The following SIRT2 variants were observed in gnomAD, a reference collection of about 807,000 sequenced individuals.
SIRT2 encodes the protein sirtuin 2, also known as NAD-dependent protein deacetylase sirtuin-2.
A neutral mutation model predicts 57.4 loss-of-function variants in SIRT2; 40 were observed. The observed-to-expected ratio is 0.70, with a 90% CI of 0.54 to 0.91. The LOEUF (loss-of-function observed/expected upper bound fraction) is 0.91, where lower values mean the gene tolerates loss of function less well. Among genes scored for constraint, SIRT2 ranks in the 40% least tolerant of loss-of-function variants. The pLI is 0.00. For missense variants in SIRT2, 439 were observed against 510.4 expected, an observed-to-expected ratio of 0.86 and a Z score of 1.35; for synonymous variants, 161 against 195.7, an observed-to-expected ratio of 0.82 and a Z score of 1.48.
At chr19:38,887,328 C>A (rs530422867) in intron 8 of SIRT2, among the ~76,000 whole-genome samples, 2 of 152,094 alleles carry the variant, frequency 1.3e-5, no homozygotes, top group East Asian at 1.9e-4. Context: ...CAAGGGCCAG[C>A]GGGGTCTTGG....
intron 8 of SIRT2, 141 bp from the exon 9 acceptor site, chr19:38,883,897 CAGGG>C: frequency 1.2e-6 from 1 of 810,436 alleles, no homozygotes; most frequent in South Asian, 1.6e-5. Flanking sequence ...AAGCAAGTGG[CAGGG>C]TTTATCTGAA....
chr19:38,881,068 T>TG, intron 11 of SIRT2, 32 bp downstream of exon 11: 1 of 1,608,182 alleles, frequency 6.2e-7, no homozygotes, highest in Non-Finnish European at 8.5e-7. Flanking sequence ...AGGCGGCGGT[T>TG]GGGGATGCGG....
rs201603626 is a variant in SIRT2 at position 38,892,761 on chromosome 19, GGC to G, written c.226+651_226+652del. 4.5e-3 allele frequency among the ~76,000 whole-genome samples: 685 copies of G among 150,622 alleles called. 7 individuals are homozygous for G. The highest frequency in any genetic ancestry group is 0.016 in the African/African-American group (635 of 40,348). On this transcript the variant is annotated intron_variant, in intron 4 of 15. Coordinates refer to ENST00000249396, the MANE Select transcript of SIRT2 (RefSeq NM_012237.4). ...CTATTTTTTTTTTTCTTGTAGAGATGGCGGGGGGGTCTCACTATGTTGCCCAG... is the reference window on the plus strand; with the variant it reads ...CTATTTTTTTTTTTCTTGTAGAGATGGGGGGGGTCTCACTATGTTGCCCAG...
intron 4 of SIRT2, among the ~76,000 whole-genome samples, chr19:38,891,561 A>G (rs1478514882): frequency 6.6e-6 from 1 of 151,904 alleles, no homozygotes; most frequent in Non-Finnish European, 1.5e-5. Flanking sequence ...AATAATAATA[A>G]TAATAAATTT....
chr19:38,881,543 G>A, intron 9 of SIRT2, 52 bp from the exon 10 acceptor site: 2 of 1,492,522 alleles, frequency 1.3e-6, no homozygotes, highest in Non-Finnish European at 1.9e-6. Context: ...ATCTGGGCCG[G>A]AGTCTGGAGG....
At position 38,890,148 on chromosome 19, in the gene SIRT2, G is replaced by A; in HGVS notation, c.227-4C>T. On this transcript the variant is annotated splice_polypyrimidine_tract_variant and splice_region_variant and intron_variant, in intron 4 of 15. Coordinates refer to ENST00000249396, the MANE Select transcript of SIRT2 (RefSeq NM_012237.4). The stretch of plus-strand genomic sequence containing the variant: ...ACCAAACAGATGACTCTGCGACCTG[G>A]AGGAGAGGAACTTATGCACCATATG... 1 of 1,614,176 alleles carries A rather than the reference G, an allele frequency of 6.2e-7. No individual in the cohort carries two copies. Among genetic ancestry groups the A allele is most frequent in the Non-Finnish European group, 8.5e-7 (1 of 1,180,016 alleles).
At chr19:38,887,147 CT>C (rs1491003745) in intron 8 of SIRT2, among the ~76,000 whole-genome samples, 1 of 152,066 alleles carries the variant, frequency 6.6e-6, no homozygotes. Flanking sequence ...ACAGCACCCC[CT>C]TTCCCGAACA....
At chr19:38,882,894 G>C (rs1973199301) in intron 9 of SIRT2, among the ~76,000 whole-genome samples, 1 of 152,022 alleles carries the variant, frequency 6.6e-6, no homozygotes, top group Admixed American at 6.6e-5. Flanking sequence ...TTGCAGTTGG[G>C]CTATTCAGGA....
At chr19:38,887,769 T>G (rs1046794413) in intron 8 of SIRT2, among the ~76,000 whole-genome samples, 3 of 152,152 alleles carry the variant, frequency 2.0e-5, no homozygotes, top group Non-Finnish European at 2.9e-5. Flanking sequence ...TTGTTTGTTT[T>G]TTTAAATTGA....
Position 38,893,875 on chromosome 19 carries a change from G to A in SIRT2, c.64-8C>T. On this transcript the variant is annotated splice_region_variant and splice_polypyrimidine_tract_variant and intron_variant, in intron 2 of 15. Transcript: ENST00000249396. Reference sequence around the variant, plus strand: ...AGAGTCTGAATCTGAGTCCTGGAAGGGGTGGGGTGGAGTGGCCAGGCCCGA... The same window carrying A: ...AGAGTCTGAATCTGAGTCCTGGAAGAGGTGGGGTGGAGTGGCCAGGCCCGA... 6.2e-7 allele frequency: 1 copy of A among 1,614,064 alleles called. No individual in the cohort carries two copies. Among genetic ancestry groups the A allele is most frequent in the South Asian group, 1.1e-5 (1 of 91,078 alleles).
chr19:38,892,446 G>A (rs1423648921), intron 4 of SIRT2, among the ~76,000 whole-genome samples: 1 of 151,790 alleles, frequency 6.6e-6, no homozygotes, highest in African/African-American at 2.4e-5. Context: ...CTCAGTAAGT[G>A]GACACCTATC....
chr19:38,899,209 G>A (rs1258774977), intron 1 of SIRT2, among the ~76,000 whole-genome samples: 1 of 152,134 alleles, frequency 6.6e-6, no homozygotes, highest in East Asian at 1.9e-4. Flanking sequence ...CCCATAGCAA[G>A]CGGGACCGGG....
chr19:38,897,022 G>A (rs1973737840), intron 2 of SIRT2, among the ~76,000 whole-genome samples: 1 of 152,160 alleles, frequency 6.6e-6, no homozygotes, highest in Middle Eastern at 3.2e-3. Flanking sequence ...CTGACAGGTG[G>A]CGTGCCCAGT....
intron 2 of SIRT2, chr19:38,894,548 CG>C (rs1242623161): frequency 1.4e-5 from 4 of 295,190 alleles, no homozygotes; most frequent in Admixed American, 4.2e-5. Context: ...GTCTTCCCTT[CG>C]TTCCCGGGTC....
intron 9 of SIRT2, 54 bp from the exon 10 acceptor site, chr19:38,881,545 G>C: frequency 6.8e-7 from 1 of 1,480,096 alleles, no homozygotes; most frequent in Non-Finnish European, 9.4e-7. Flanking sequence ...CTGGGCCGGA[G>C]TCTGGAGGTG....
intron 2 of SIRT2, among the ~76,000 whole-genome samples, chr19:38,896,669 T>C (rs1228099231): frequency 6.6e-6 from 1 of 152,246 alleles, no homozygotes; most frequent in Admixed American, 6.5e-5. Context: ...TCTTTGGGAC[T>C]GAGGATCCTT....
Position 38,883,617 on chromosome 19 carries a change from C to A in SIRT2, c.631+10G>T. ...AGGAGGCCTGCCCTCAGGATGCCCT[C>A]CAGCCTCACCTTTCATCCAGCTTAG... On this transcript the variant is annotated intron_variant, in intron 9 of 15. Coordinates refer to ENST00000249396, the MANE Select transcript of SIRT2 (RefSeq NM_012237.4). The A allele has an allele frequency of 6.2e-7, 1 of 1,612,440 alleles. No homozygotes were observed. Among genetic ancestry groups the A allele is most frequent in the Non-Finnish European group, 8.5e-7 (1 of 1,178,820 alleles).
Position 38,899,547 on chromosome 19 carries a change from C to T in SIRT2, c.-26G>A. The T allele has an allele frequency of 5.0e-6, 8 of 1,613,840 alleles. No individual in the cohort carries two copies. Among genetic ancestry groups the T allele is most frequent in the Non-Finnish European group, 6.8e-6 (8 of 1,179,992 alleles). ...GGGCGCGGTGCTGAAGCCCTTGAGG[C>T]TGTCACCGACCGCTCTGTCCCGTCA... On this transcript the variant is annotated 5_prime_UTR_variant, in exon 1 of 16. Coordinates refer to ENST00000249396, the MANE Select transcript of SIRT2 (RefSeq NM_012237.4).
intron 9 of SIRT2, 75 bp downstream of exon 9, chr19:38,883,552 T>C: frequency 1.4e-5 from 22 of 1,551,810 alleles, no homozygotes; most frequent in Non-Finnish European, 1.9e-5. Flanking sequence ...CAGGACAGAA[T>C]GGGTGCCCAC....
Sources: gnomAD v4.1 joint callset for allele counts (sites outside exome capture counted in the v4.1 genomes callset) on GRCh38, gnomAD v4.1.1 for gene constraint, MANE v1.5 for transcripts, NCBI Gene and HGNC (gene_info 2026-07-23, HGNC 2026-07-21) for gene names.